Variants in UGT1A3 observed in about 807,000 individuals in gnomAD.
UGT1A3 encodes the protein UDP glucuronosyltransferase family 1 member A3.
Under a neutral mutation model 41.0 loss-of-function variants are expected in UGT1A3, and 31 were observed. The ratio of observed to expected loss-of-function variants is 0.76; its 90% CI spans 0.57 to 1.02. The LOEUF (loss-of-function observed/expected upper bound fraction) is 1.02, where lower values mean the gene tolerates loss of function less well. Ranked by LOEUF, UGT1A3 falls within the 50% of genes least tolerant of loss-of-function variation. The probability of loss-of-function intolerance (pLI) is 0.00; values close to 1 mark genes in which losing one functional copy is unlikely to be tolerated. For synonymous variants in UGT1A3, 262 were observed against 257.6 expected (o/e 1.02, Z -0.17); for missense variants, 737 against 671.0 (o/e 1.10, Z -1.09).
At chr2:233,759,652 C>G (rs35665780) in intron 1 of UGT1A3, among the ~76,000 whole-genome samples, 1 of 121,978 alleles carries the variant, frequency 8.2e-6, no homozygotes, top group East Asian at 2.9e-4. Context: ...TTCACGATTT[C>G]TAAGTTCCTG....
chr2:233,743,547 C>A (rs201114978), intron 1 of UGT1A3: 1 of 1,367,292 alleles, frequency 7.3e-7, no homozygotes, highest in South Asian at 1.1e-5. Flanking sequence ...TCTGACCCCC[C>A]CAAAATATTC....
intron 1 of UGT1A3, among the ~76,000 whole-genome samples, chr2:233,744,814 C>G (rs571865422): frequency 1.3e-5 from 2 of 151,886 alleles, no homozygotes; most frequent in Non-Finnish European, 2.9e-5. Flanking sequence ...GATTTCCTGG[C>G]TCATACTTTG....
At chr2:233,732,150 T>C (rs1356402869) in intron 1 of UGT1A3, among the ~76,000 whole-genome samples, 1 of 152,152 alleles carries the variant, frequency 6.6e-6, no homozygotes. Flanking sequence ...GTTTTTTTTC[T>C]TGTAAATTTG....
chr2:233,772,292 C>A lies in UGT1A3; in HGVS notation c.1338C>A (p.Ser446Arg), dbSNP rs778015980. 2 of 1,614,246 alleles carry A rather than the reference C, an allele frequency of 1.2e-6. No homozygotes were observed. Among genetic ancestry groups the A allele is most frequent in the Admixed American group, 3.3e-5 (2 of 60,030 alleles). Residue 446 changes from serine (S) to arginine (R), a missense_variant, in exon 5 of 5, where the codon AGC becomes AGA. By Grantham distance (110) the Ser-to-Arg change is moderately radical (BLOSUM62 -1). Coordinates refer to ENST00000482026, the MANE Select transcript of UGT1A3 (RefSeq NM_019093.4). ...SYKENIMRLSSLHKDRPVEPL... is the reference protein window; with the variant it reads ...SYKENIMRLSRLHKDRPVEPL... ...AGGAGAACATCATGCGCCTCTCCAG[C>A]CTTCACAAGGACCGCCCGGTGGAGC... is the stretch of plus-strand genomic sequence containing the variant.
chr2:233,765,712 T>A (rs1046504378), intron 1 of UGT1A3, among the ~76,000 whole-genome samples: 5 of 111,216 alleles, frequency 4.5e-5, no homozygotes, highest in Non-Finnish European at 8.4e-5. Context: ...TAATAATAAT[T>A]AATAATAATA....
intron 4 of UGT1A3, chr2:233,771,576 T>C (rs1332686610): frequency 6.6e-6 from 1 of 152,308 alleles, no homozygotes; most frequent in Admixed American, 6.5e-5. Flanking sequence ...GGTGGTTGTT[T>C]ACAACTTCAA....
At chr2:233,750,254 C>A (rs1056169582) in intron 1 of UGT1A3, among the ~76,000 whole-genome samples, 6 of 152,046 alleles carry the variant, frequency 3.9e-5, no homozygotes, top group African/African-American at 1.5e-4. Flanking sequence ...ACAAAGGTCA[C>A]CCTTGCTATG....
At chr2:233,750,502 A>T (rs1694477607) in intron 1 of UGT1A3, 1 of 152,122 alleles carries the variant, frequency 6.6e-6, no homozygotes, top group East Asian at 1.9e-4. Context: ...GAGGAGCCAA[A>T]TGTTAATTGC....
chr2:233,771,657 A>G (rs1277760780), intron 4 of UGT1A3: 1 of 152,474 alleles, frequency 6.6e-6, no homozygotes, highest in Non-Finnish European at 1.5e-5. Flanking sequence ...AATATAATGA[A>G]ATTTCTCACA....
In UGT1A3 at chr2:233,769,425, C is replaced by T; in HGVS notation, c.1307+986C>T. ...TGTGCGTGTGCGTTTGTGCATGTGGCTGTGCTCATGTGTGGGTGCACACGT... is the reference window on the plus strand; with the variant it reads ...TGTGCGTGTGCGTTTGTGCATGTGGTTGTGCTCATGTGTGGGTGCACACGT... On this transcript the variant is annotated intron_variant, in intron 4 of 4. Transcript: ENST00000482026. The surrounding 1 kb of genome is among the most constrained non-coding windows in gnomAD (Gnocchi z 4.4). The T allele has an allele frequency of 6.7e-7, 1 of 1,487,732 alleles. No homozygotes were observed. Among genetic ancestry groups the T allele is most frequent in the Non-Finnish European group, 9.3e-7 (1 of 1,075,832 alleles). 92.2% of individuals were successfully genotyped at this position (1,487,732 alleles called of 1,614,324 possible). A position where few individuals can be genotyped will look rare whatever the true frequency, so the allele number is the denominator to read the frequency against.
At chr2:233,763,486 T>C (rs771875689) in intron 1 of UGT1A3, among the ~76,000 whole-genome samples, 1 of 152,218 alleles carries the variant, frequency 6.6e-6, no homozygotes, top group Non-Finnish European at 1.5e-5. Flanking sequence ...TGATTGTAAC[T>C]CTCTCAGTTT....
At chr2:233,752,726 CAGAG>C in intron 1 of UGT1A3, among the ~76,000 whole-genome samples, 1 of 152,282 alleles carries the variant, frequency 6.6e-6, no homozygotes, top group East Asian at 1.9e-4. Context: ...GCAACAGCTA[CAGAG>C]AGAGACCCTG....
Position 233,767,871 on chromosome 2 carries a change from C to G in UGT1A3, c.1022C>G (p.Thr341Ser). The stretch of plus-strand genomic sequence containing the variant: ...CAGGTCCTGTGGCGGTACACTGGAA[C>G]CCGACCATCGAATCTTGCGAACAAC... ...PQTVLWRYTG[T>S]RPSNLANNTI... The change falls in exon 3 of 5, where the codon ACC becomes AGC. Residue 341 changes from threonine to serine, a missense_variant. Coordinates refer to ENST00000482026, the MANE Select transcript of UGT1A3 (RefSeq NM_019093.4). The G allele has an allele frequency of 6.2e-7, 1 of 1,614,154 alleles. No homozygotes were observed. Among genetic ancestry groups the G allele is most frequent in the Non-Finnish European group, 8.5e-7 (1 of 1,180,040 alleles).
chr2:233,767,100 GTC>G lies in UGT1A3; in HGVS notation c.937_938del (p.Ser313ArgfsTer12). 6.2e-7 allele frequency: 1 copy of G among 1,614,092 alleles called. No homozygotes were observed. The highest frequency in any genetic ancestry group is 8.5e-7 in the Non-Finnish European group (1 of 1,180,010). The stretch of plus-strand genomic sequence containing the variant: ...TGTGGTTTTCTCTTTGGGATCAATG[GTC>G]TCAGAAATTCCAGAGAAGAAAGCTA... ...GIVVFSLGSMVSEIPEKKAMA... is the reference protein window; with the variant it reads ...GIVVFSLGSMXSEIPEKKAMA... On this transcript the variant is annotated frameshift_variant, in exon 2 of 5. Transcript: ENST00000482026. LOFTEE classifies it high-confidence loss of function.
At chr2:233,758,569 A>C (rs1696913404) in intron 1 of UGT1A3, among the ~76,000 whole-genome samples, 2 of 152,222 alleles carry the variant, frequency 1.3e-5, no homozygotes, top group Non-Finnish European at 2.9e-5. Context: ...TGGTCCTAAA[A>C]AATGAAGAGT....
At chr2:233,764,199 A>T (rs1193982268) in intron 1 of UGT1A3, among the ~76,000 whole-genome samples, 1 of 152,170 alleles carries the variant, frequency 6.6e-6, no homozygotes, top group Non-Finnish European at 1.5e-5. Flanking sequence ...GGGGCATCTC[A>T]TCTTTTCTTT....
chr2:233,730,805 C>T lies in UGT1A3; in HGVS notation c.867+812C>T, dbSNP rs1300674674. On this transcript the variant is annotated intron_variant, in intron 1 of 4. Coordinates refer to ENST00000482026, the MANE Select transcript of UGT1A3 (RefSeq NM_019093.4). ...CTGGGGACAGTGATGAATGGACATG[C>T]GTCCAAGAAGGGAAGCATTTCTCAG... Among the ~76,000 whole-genome samples the T allele has an allele frequency of 3.3e-5, 5 of 152,230 alleles. 1 individual carries two copies. The highest frequency in any genetic ancestry group is 2.0e-4 in the Admixed American group (3 of 15,282).
At chr2:233,739,657 C>G (rs772609637) in intron 1 of UGT1A3, among the ~76,000 whole-genome samples, 2 of 152,202 alleles carry the variant, frequency 1.3e-5, no homozygotes, top group Non-Finnish European at 2.9e-5. Flanking sequence ...TTCTGTACCC[C>G]CATTGTGTCT....
At position 233,772,325 on chromosome 2, in the gene UGT1A3, C is replaced by CGTGTT; in HGVS notation, c.1371_1372insGTGTT (p.Leu458ValfsTer11). The CGTGTT allele has an allele frequency of 6.2e-7, 1 of 1,614,136 alleles. No individual in the cohort carries two copies. Among genetic ancestry groups the CGTGTT allele is most frequent in the Non-Finnish European group, 8.5e-7 (1 of 1,180,020 alleles). ...AGGACCGCCCGGTGGAGCCGCTGGA[C>CGTGTT]CTGGCCGTGTTCTGGGTGGAGTTTG... On this transcript the variant is annotated frameshift_variant, in exon 5 of 5. Transcript: ENST00000482026. LOFTEE classifies it high-confidence loss of function.
Sources: gnomAD v4.1 joint callset for allele counts (sites outside exome capture counted in the v4.1 genomes callset) on GRCh38, gnomAD v4.1.1 for gene constraint, Gnocchi (gnomAD v3.1) non-coding constraint, MANE v1.5 for transcripts, NCBI Gene and HGNC (gene_info 2026-07-23, HGNC 2026-07-21) for gene names.